Variants in CNR1 observed in about 807,000 individuals in gnomAD.
The protein encoded by CNR1 is cannabinoid receptor 1 (brain).
A neutral mutation model predicts 23.0 loss-of-function variants in CNR1; 10 were observed. The ratio of observed to expected loss-of-function variants is 0.43; its 90% confidence interval spans 0.27 to 0.74. The LOEUF is 0.74. Among genes scored for constraint, CNR1 ranks in the 30% least tolerant of loss-of-function variants. The probability of loss-of-function intolerance (pLI) is 0.19; values close to 1 mark genes in which losing one functional copy is unlikely to be tolerated. For missense variants in CNR1, 422 were observed against 618.8 expected (o/e 0.68, Z 3.37); for synonymous variants, 271 against 255.2 (o/e 1.06, Z -0.59).
At chr6:88,145,822 T>C (rs1023056634) in intron 1 of CNR1, among the ~76,000 whole-genome samples, 6 of 152,172 alleles carry the variant, frequency 3.9e-5, no homozygotes, top group African/African-American at 1.4e-4. Flanking sequence ...TGAGACTAAA[T>C]GTAAAAGACA....
chr6:88,148,136 C>T (rs981562701), intron 1 of CNR1, among the ~76,000 whole-genome samples: 6 of 152,218 alleles, frequency 3.9e-5, no homozygotes, highest in African/African-American at 1.4e-4. Context: ...AAATTGACTG[C>T]TCCTCACCTC....
chr6:88,160,105 A>C (rs1468431874), intron 1 of CNR1, among the ~76,000 whole-genome samples: 6 of 152,072 alleles, frequency 3.9e-5, no homozygotes, highest in Non-Finnish European at 4.4e-5. Context: ...AGGCAGGCGG[A>C]TCACTTGAGA....
chr6:88,160,463 CTCACTCTGTCA>C (rs1272643299), intron 1 of CNR1, among the ~76,000 whole-genome samples: 2 of 137,002 alleles, frequency 1.5e-5, no homozygotes, highest in Non-Finnish European at 1.5e-5. Flanking sequence ...GAGGCAGAGT[CTCACTCTGTCA>C]CCCAGGCTGG....
chr6:88,145,226 T>C lies in CNR1; in HGVS notation c.49A>G (p.Thr17Ala). The change falls in exon 2 of 2, where the codon ACC (threonine) becomes GCC (alanine). Residue 17 changes from threonine (T) to alanine (A), a missense_variant. Around this residue, in one of 4 missense-constraint regions of CNR1, gnomAD observed 120 missense variants for 117.6 expected, o/e 1.02. Coordinates refer to ENST00000369501, the MANE Select transcript of CNR1 (RefSeq NM_016083.6). ...GLADTTFRTI[T>A]TDLLYVGSND... The stretch of plus-strand genomic sequence containing the variant: ...GAGCCCACGTACAGGAGGTCAGTGG[T>C]GATGGTGCGGAAGGTGGTATCTGCA... The C allele has an allele frequency of 8.7e-6, 14 of 1,614,116 alleles. No individual in the cohort carries two copies. Among genetic ancestry groups the C allele is most frequent in the Non-Finnish European group, 1.2e-5 (14 of 1,179,976 alleles).
intron 1 of CNR1, among the ~76,000 whole-genome samples, chr6:88,147,427 G>C (rs1777262776): frequency 6.6e-6 from 1 of 152,166 alleles, no homozygotes; most frequent in Non-Finnish European, 1.5e-5. Context: ...GGATGCTCTG[G>C]GGACACCCAG....
At chr6:88,162,059 T>A (rs1160283149) in intron 1 of CNR1, among the ~76,000 whole-genome samples, 1 of 152,184 alleles carries the variant, frequency 6.6e-6, no homozygotes, top group Non-Finnish European at 1.5e-5. Flanking sequence ...TGTGGTGATG[T>A]TCACCCTGGC....
chr6:88,157,462 T>C (rs908256803), intron 1 of CNR1, among the ~76,000 whole-genome samples: 6 of 152,222 alleles, frequency 3.9e-5, no homozygotes, highest in Non-Finnish European at 5.9e-5. Flanking sequence ...TAGGAAAATA[T>C]GTTATGGAGA....
rs999909246 is a variant in CNR1 at position 88,139,972 on chromosome 6, T to C, written c.*3884A>G. On this transcript the variant is annotated 3_prime_UTR_variant, in exon 2 of 2. Transcript: ENST00000369501. Reference sequence around the variant, plus strand: ...TGAATAAGTTAACAGTTTAATTACATTGAAATAAAATATACTGTGGGCTTA... The same window carrying C: ...TGAATAAGTTAACAGTTTAATTACACTGAAATAAAATATACTGTGGGCTTA... 2.0e-5 allele frequency: 3 copies of C among 152,356 alleles called. No individual in the cohort carries two copies. The highest frequency in any genetic ancestry group is 4.4e-5 in the Non-Finnish European group (3 of 68,030). 9.4% of individuals were successfully genotyped at this position (152,356 alleles called of 1,614,324 possible).
intron 1 of CNR1, among the ~76,000 whole-genome samples, chr6:88,161,533 A>G (rs1191898470): frequency 1.3e-5 from 2 of 152,246 alleles, no homozygotes; most frequent in Non-Finnish European, 2.9e-5. Context: ...TATACATGCA[A>G]CTAACTGTCC....
At chr6:88,155,204 G>A (rs966879506) in intron 1 of CNR1, among the ~76,000 whole-genome samples, 5 of 152,108 alleles carry the variant, frequency 3.3e-5, no homozygotes, top group African/African-American at 7.2e-5. Flanking sequence ...TTCTCTTTGA[G>A]TCCATAATCA....
chr6:88,147,153 AT>A (rs1476225800), intron 1 of CNR1, among the ~76,000 whole-genome samples: 8 of 152,190 alleles, frequency 5.3e-5, no homozygotes, highest in Non-Finnish European at 1.2e-4. Context: ...ATTTAAAAAA[AT>A]TTTAAAAAAA....
chr6:88,157,218 CATT>C (rs1417907093), intron 1 of CNR1, among the ~76,000 whole-genome samples: 2 of 152,058 alleles, frequency 1.3e-5, no homozygotes, highest in Non-Finnish European at 2.9e-5. Flanking sequence ...CCTAAATGCA[CATT>C]ATTGTGCATT....
intron 1 of CNR1, among the ~76,000 whole-genome samples, chr6:88,154,702 C>T (rs1476195978): frequency 1.3e-5 from 2 of 152,146 alleles, no homozygotes; most frequent in Non-Finnish European, 1.5e-5. Context: ...CCTCAGCCTC[C>T]GAAGAAGCTT....
In CNR1 at chr6:88,152,131, C is replaced by T. The variant is rs371419146; in HGVS notation, c.-63-6794G>A. ...GTGGGAGGCTGAGGCAGGAGAATGGCGTGAACCCGGGAGGCGGAGCTTGCA... is the reference window on the plus strand; with the variant it reads ...GTGGGAGGCTGAGGCAGGAGAATGGTGTGAACCCGGGAGGCGGAGCTTGCA... On this transcript the variant is annotated intron_variant, in intron 1 of 1. Transcript: ENST00000369501. 6.8e-4 allele frequency among the ~76,000 whole-genome samples: 101 copies of T among 147,884 alleles called. 1 individual carries two copies. Among genetic ancestry groups the T allele is most frequent in the African/African-American group, 2.4e-3 (94 of 39,872 alleles).
chr6:88,155,300 T>A (rs1777736065), intron 1 of CNR1, among the ~76,000 whole-genome samples: 1 of 152,178 alleles, frequency 6.6e-6, no homozygotes, highest in African/African-American at 2.4e-5. Context: ...ATAGAGAAAA[T>A]CCTAATTTCC....
chr6:88,143,859 C>G lies in CNR1; in HGVS notation c.1416G>C (p.Leu472=). The part of the protein sequence containing the change: ...SVSTDTSAEA[L] ...TGCTGCCAGGGAGGCATCAGGCTCA[C>G]AGAGCCTCGGCAGACGTGTCTGTGG... is the stretch of plus-strand genomic sequence containing the variant. The change falls in exon 2 of 2, where the codon CTG becomes CTC. Residue 472 remains leucine (L), a synonymous_variant. Coordinates refer to ENST00000369501, the MANE Select transcript of CNR1 (RefSeq NM_016083.6). 1 of 1,610,810 alleles carries G rather than the reference C, an allele frequency of 6.2e-7. No homozygotes were observed. The highest frequency in any genetic ancestry group is 1.7e-4 in the Middle Eastern group (1 of 6,052).
rs201138255 is a variant in CNR1 at position 88,144,713 on chromosome 6, C to T, written c.562G>A (p.Val188Met). 16 of 1,614,046 alleles carry T rather than the reference C, an allele frequency of 9.9e-6. No homozygotes were observed. Among genetic ancestry groups the T allele is most frequent in the South Asian group, 2.2e-5 (2 of 91,074 alleles). ...HVFHRKDSRN[V>M]FLFKLGGVTA... ...ACCCCACCCAGTTTGAACAGAAACA[C>T]GTTGCGGCTATCTTTGCGGTGGAAC... Residue 188 changes from valine (V) to methionine (M), a missense_variant, in exon 2 of 2, where the codon GTG becomes ATG. Physicochemically the swap from Val to Met is conservative, Grantham distance 21. Coordinates refer to ENST00000369501, the MANE Select transcript of CNR1 (RefSeq NM_016083.6). The surrounding 1 kb of genome is among the most constrained non-coding windows in gnomAD (Gnocchi z 7.8).
chr6:88,154,198 TTA>T (rs1249616660), intron 1 of CNR1, among the ~76,000 whole-genome samples: 1 of 152,218 alleles, frequency 6.6e-6, no homozygotes, highest in Admixed American at 6.5e-5. Flanking sequence ...ACTATATGTG[TTA>T]TGTTTTTCAT....
intron 1 of CNR1, among the ~76,000 whole-genome samples, chr6:88,159,974 TA>T: frequency 6.6e-6 from 1 of 152,194 alleles, no homozygotes; most frequent in Non-Finnish European, 1.5e-5. Context: ...GTCTAGTACC[TA>T]AATGATCTTT....
Sources: gnomAD v4.1 joint callset for allele counts (sites outside exome capture counted in the v4.1 genomes callset) on GRCh38, gnomAD v4.1.1 for gene constraint, gnomAD v4.1.1 regional missense constraint, Gnocchi (gnomAD v3.1) non-coding constraint, MANE v1.5 for transcripts, NCBI Gene and HGNC (gene_info 2026-07-23, HGNC 2026-07-21) for gene names.